The following SGCD variants were observed in gnomAD, a reference collection of about 807,000 sequenced individuals.
SGCD encodes delta-sarcoglycan.
Under a neutral mutation model 36.6 loss-of-function variants are expected in SGCD, and 18 were observed. The ratio of observed to expected loss-of-function variants is 0.49; its 90% CI spans 0.34 to 0.73. SGCD has a LOEUF of 0.73. Among genes scored for constraint, SGCD ranks in the 30% least tolerant of loss-of-function variants. SGCD has a pLI of 0.01. For missense variants in SGCD, 387 were observed against 346.7 expected (o/e 1.12, Z -0.92); for synonymous variants, 133 against 130.6 (o/e 1.02, Z -0.12).
intron 3 of SGCD, among the ~76,000 whole-genome samples, chr5:156,419,724 G>T (rs1773214868): frequency 6.6e-6 from 1 of 152,128 alleles, no homozygotes; most frequent in African/African-American, 2.4e-5. Context: ...AAAATAGACT[G>T]CCTTAATCCG....
intron 7 of SGCD, among the ~76,000 whole-genome samples, chr5:156,685,636 AC>A (rs1340200725): frequency 6.6e-6 from 1 of 152,174 alleles, no homozygotes; most frequent in Non-Finnish European, 1.5e-5. Flanking sequence ...TCCTAAGCTT[AC>A]CTCATGCATG....
intron 3 of SGCD, among the ~76,000 whole-genome samples, chr5:156,236,924 C>T (rs1203643481): frequency 6.6e-6 from 1 of 151,658 alleles, no homozygotes. Flanking sequence ...ATAATCACCT[C>T]CCAGGTTCAA....
intron 3 of SGCD, among the ~76,000 whole-genome samples, chr5:156,274,720 C>G (rs1766271220): frequency 6.6e-6 from 1 of 152,152 alleles, no homozygotes; most frequent in African/African-American, 2.4e-5. Flanking sequence ...ACAGAGACCA[C>G]AGAGGGTAAA....
intron 3 of SGCD, among the ~76,000 whole-genome samples, chr5:156,429,148 C>T (rs1295127926): frequency 6.6e-6 from 1 of 151,436 alleles, no homozygotes; most frequent in Non-Finnish European, 1.5e-5. Flanking sequence ...TTTCTTAGGT[C>T]TAGTAGTAAT....
intron 5 of SGCD, among the ~76,000 whole-genome samples, chr5:156,594,400 C>A (rs1472372001): frequency 1.3e-5 from 2 of 152,012 alleles, no homozygotes; most frequent in Non-Finnish European, 2.9e-5. Context: ...ATTACAGTAA[C>A]CATTTCTGCT....
chr5:156,743,255 G>A (rs961487410), intron 7 of SGCD, among the ~76,000 whole-genome samples: 1 of 151,978 alleles, frequency 6.6e-6, no homozygotes, highest in African/African-American at 2.4e-5. Context: ...GGGATTACAG[G>A]CACCCACCAT....
rs61681025 is a variant in SGCD, at chr5:156,144,550, C to T, written c.-44+20531C>T. ...ATAAATGTCTTCTTTTGAGAAGTGT[C>T]TGTTCATATCCTTCGCCCACTTGTT... On this transcript the variant is annotated intron_variant, in intron 3 of 9. Coordinates refer to the SGCD transcript ENST00000517913. 9.4e-3 allele frequency among the ~76,000 whole-genome samples: 1,425 copies of T among 152,250 alleles called. 20 individuals are homozygous for T. The highest frequency in any genetic ancestry group is 0.033 in the African/African-American group (1,367 of 41,546).
Position 156,666,857 on chromosome 5 carries a change from CA to C in SGCD, c.575+19323del, listed in dbSNP as rs1212492177. Among the ~76,000 whole-genome samples the C allele has an allele frequency of 4.6e-5, 7 of 152,118 alleles. No individual in the cohort carries two copies. The East Asian group carries it at 1.3e-3, about 29-fold the overall frequency. ...ACTTCTTTCTACACAGACACAGTAA[CA>C]ATTTGATCTCTCTTGCTTTTCCCCA... On this transcript the variant is annotated intron_variant, in intron 7 of 8. Coordinates refer to ENST00000337851, the MANE Select transcript of SGCD (RefSeq NM_000337.6).
intron 3 of SGCD, chr5:156,393,615 A>C: frequency 2.4e-6 from 1 of 411,878 alleles, no homozygotes; most frequent in Non-Finnish European, 4.9e-6. Context: ...TCATGTTAAT[A>C]GGTTGAAATT....
intron 1 of SGCD, among the ~76,000 whole-genome samples, chr5:155,944,060 AGTTT>A (rs1757390029): frequency 6.6e-6 from 1 of 152,122 alleles, no homozygotes; most frequent in Non-Finnish European, 1.5e-5. Context: ...ATTTGAAGAT[AGTTT>A]GTTCTGCCTT....
At chr5:156,751,698 CTT>C (rs1175663799) in intron 7 of SGCD, among the ~76,000 whole-genome samples, 2 of 152,190 alleles carry the variant, frequency 1.3e-5, no homozygotes, top group Non-Finnish European at 2.9e-5. Flanking sequence ...TGACAAGATG[CTT>C]AACTCCATTA....
intron 3 of SGCD, among the ~76,000 whole-genome samples, chr5:156,307,564 T>G (rs1369683973): frequency 1.1e-4 from 16 of 147,936 alleles, no homozygotes; most frequent in African/African-American, 3.2e-4. Flanking sequence ...TGTTTTTTTT[T>G]TTTTTTTTTT....
intron 3 of SGCD, among the ~76,000 whole-genome samples, chr5:156,349,178 T>G (rs748986414): frequency 1.3e-5 from 2 of 151,962 alleles, no homozygotes; most frequent in Non-Finnish European, 2.9e-5. Flanking sequence ...GAAAAGCACT[T>G]CTGGATGTTG....
chr5:156,665,098 C>T (rs1443271974), intron 7 of SGCD, among the ~76,000 whole-genome samples: 1 of 151,924 alleles, frequency 6.6e-6, no homozygotes, highest in African/African-American at 2.4e-5. Flanking sequence ...TCCATACTGA[C>T]TTTCTGGGGG....
At chr5:155,859,183 C>A in the SGCD span, among the ~76,000 whole-genome samples, 2 of 151,816 alleles carry the variant, frequency 1.3e-5, no homozygotes, top group African/African-American at 4.8e-5. Context: ...ACCTTAGCCT[C>A]CTGAGGACTA....
At chr5:155,979,243 T>G (rs1375859782) in intron 1 of SGCD, among the ~76,000 whole-genome samples, 1 of 152,192 alleles carries the variant, frequency 6.6e-6, no homozygotes, top group Non-Finnish European at 1.5e-5. Context: ...CATTAGCCTT[T>G]GTAGATGAGT....
intron 3 of SGCD, among the ~76,000 whole-genome samples, chr5:156,275,753 C>T (rs1201747040): frequency 6.6e-6 from 1 of 152,170 alleles, no homozygotes; most frequent in African/African-American, 2.4e-5. Flanking sequence ...CCTACTCTTA[C>T]TTATGTTGCA....
intron 3 of SGCD, among the ~76,000 whole-genome samples, chr5:156,127,282 T>C (rs1442660972): frequency 2.6e-5 from 4 of 152,128 alleles, no homozygotes; most frequent in African/African-American, 9.7e-5. Context: ...AAACTTAAAA[T>C]AGCTGTCATT....
At chr5:156,448,827 C>A (rs1211860021) in intron 3 of SGCD, among the ~76,000 whole-genome samples, 1 of 140,256 alleles carries the variant, frequency 7.1e-6, no homozygotes, top group Non-Finnish European at 1.5e-5. Context: ...TGGCTCACTG[C>A]AACCTCTGCC....
Sources: allele counts gnomAD v4.1 joint callset (sites outside exome capture counted in the v4.1 genomes callset), GRCh38; gene constraint gnomAD v4.1.1; transcripts MANE v1.5; gene names NCBI Gene and HGNC (gene_info 2026-07-23, HGNC 2026-07-21).